WLS: variants seen among roughly 807,000 people sequenced by gnomAD.
WLS encodes Wnt ligand secretion mediator.
Under a neutral mutation model 62.8 loss-of-function variants are expected in WLS, and 23 were observed. The observed-to-expected ratio is 0.37, with a 90% CI of 0.26 to 0.52. The LOEUF (loss-of-function observed/expected upper bound fraction) is 0.52. Among genes scored for constraint, WLS ranks in the 20% least tolerant of loss-of-function variants. The pLI, the probability that WLS is intolerant of heterozygous loss-of-function variation, is 0.92. For missense variants in WLS, 615 were observed against 697.3 expected (o/e 0.88, Z 1.33); for synonymous variants, 246 against 244.1 (o/e 1.01, Z -0.07).
chr1:68,139,688 A>G (rs909677038), intron 10 of WLS, among the ~76,000 whole-genome samples: 27 of 152,228 alleles, frequency 1.8e-4, no homozygotes, highest in African/African-American at 6.3e-4. Flanking sequence ...GCTAGGATTG[A>G]CATGACTGAC....
Position 68,141,878 on chromosome 1 carries a change from T to C in WLS, c.1362+2691A>G, listed in dbSNP as rs190756356. ...GTCTTAGATGTCTATAAATAAATCT[T>C]AGAAAAAAAACCCAGCAGGAGGAAT... On this transcript the variant is annotated intron_variant, in intron 10 of 11. Coordinates refer to ENST00000262348, the MANE Select transcript of WLS (RefSeq NM_024911.7). 7 of 152,040 alleles carry C rather than the reference T, an allele frequency of 4.6e-5. No individual in the cohort carries two copies. In the East Asian group the frequency reaches 9.7e-4, roughly 21 times the overall value. The allele number at this position is 152,040 out of a possible 1,614,324, so 9.4% of individuals were successfully genotyped here. A position where few individuals can be genotyped will look rare whatever the true frequency, so the allele number is the denominator to read the frequency against.
chr1:68,145,791 C>T (rs1646744919), intron 9 of WLS, 78 bp downstream of exon 9: 2 of 1,561,008 alleles, frequency 1.3e-6, no homozygotes, highest in South Asian at 2.4e-5. Flanking sequence ...TTTCTATCTC[C>T]AGGGTGTGTG....
chr1:68,225,345 G>T (rs2820471), intron 1 of WLS, among the ~76,000 whole-genome samples: 7,336 of 152,092 alleles, frequency 0.048, 198 homozygotes, highest in African/African-American at 0.068. Flanking sequence ...TTTGAGAATT[G>T]GCATGTCTCA....
At chr1:68,145,091 G>A (rs1452152326) in intron 9 of WLS, among the ~76,000 whole-genome samples, 4 of 152,232 alleles carry the variant, frequency 2.6e-5, no homozygotes, top group Admixed American at 1.3e-4. Context: ...CAGCTCTGGA[G>A]ACAGGCAAGC....
chr1:68,132,401 A>G (rs981682609), intron 11 of WLS, among the ~76,000 whole-genome samples: 4 of 152,174 alleles, frequency 2.6e-5, no homozygotes, highest in Non-Finnish European at 2.9e-5. Flanking sequence ...AGATCATCTA[A>G]TGTACAATCA....
intron 11 of WLS, among the ~76,000 whole-genome samples, chr1:68,109,415 G>A (rs925122458): frequency 3.3e-5 from 5 of 152,194 alleles, no homozygotes; most frequent in Non-Finnish European, 7.3e-5. Flanking sequence ...TAAGCAAGAG[G>A]TAGAAGAGAT....
rs142984107 is a variant in WLS, at chr1:68,170,078, G to A, written c.380-10831C>T. 2.9e-3 allele frequency among the ~76,000 whole-genome samples: 436 copies of A among 152,066 alleles called. 8 individuals carry two copies. The highest frequency in any genetic ancestry group is 9.6e-3 in the African/African-American group (399 of 41,496). ...TAATGCCCTTCTCCTATCACTGTGA[G>A]GAGTAAATGAGATAATGGGTGCCAA... On this transcript the variant is annotated intron_variant, in intron 2 of 11. Coordinates refer to ENST00000262348, the MANE Select transcript of WLS (RefSeq NM_024911.7).
chr1:68,207,362 G>A (rs558456759), intron 1 of WLS, among the ~76,000 whole-genome samples: 1 of 152,130 alleles, frequency 6.6e-6, no homozygotes, highest in Non-Finnish European at 1.5e-5. Flanking sequence ...AAGCTCAAGA[G>A]AGCTAAGTCT....
intron 2 of WLS, among the ~76,000 whole-genome samples, chr1:68,173,891 T>G (rs1647191405): frequency 6.6e-6 from 1 of 152,120 alleles, no homozygotes. Context: ...AAATGAGTTT[T>G]TTCCCCCTTT....
At chr1:68,170,851 A>G (rs970573353) in intron 2 of WLS, among the ~76,000 whole-genome samples, 1 of 152,294 alleles carries the variant, frequency 6.6e-6, no homozygotes, top group Admixed American at 6.5e-5. Flanking sequence ...CCTAAAAGCC[A>G]GGGACTGACT....
At chr1:68,127,097 A>G in intron 11 of WLS, 1 of 404,904 alleles carries the variant, frequency 2.5e-6, no homozygotes, top group Admixed American at 2.8e-5. Context: ...CAGGAGGCTG[A>G]GGCAGGAGGA....
At position 68,125,585 on chromosome 1, in the gene WLS, T is replaced by C; in HGVS notation, c.*641A>G. On this transcript the variant is annotated 3_prime_UTR_variant, in exon 12 of 12. Coordinates refer to ENST00000262348, the MANE Select transcript of WLS (RefSeq NM_024911.7). ...TTTTTTAAAACCCACATCCAACAGA[T>C]TGGTTAGTATTAGATACACAGATTT... 6.1e-6 allele frequency: 6 copies of C among 985,442 alleles called. No homozygotes were observed. The highest frequency in any genetic ancestry group is 7.2e-6 in the Non-Finnish European group (6 of 829,920). 61.0% of individuals were successfully genotyped at this position (985,442 alleles called of 1,614,324 possible). A position where few individuals can be genotyped will look rare whatever the true frequency, so the allele number is the denominator to read the frequency against.
chr1:68,113,571 G>A (rs1023325120), intron 11 of WLS, among the ~76,000 whole-genome samples: 2 of 152,212 alleles, frequency 1.3e-5, no homozygotes, highest in African/African-American at 4.8e-5. Flanking sequence ...TGTTAGGGCT[G>A]TAAAAGGGAT....
chr1:68,226,908 A>G (rs1292428824), intron 1 of WLS, among the ~76,000 whole-genome samples: 1 of 152,240 alleles, frequency 6.6e-6, no homozygotes, highest in African/African-American at 2.4e-5. Flanking sequence ...TAAACATTTT[A>G]AGGTCAAATC....
intron 1 of WLS, among the ~76,000 whole-genome samples, chr1:68,204,142 G>T (rs141327940): frequency 6.6e-6 from 1 of 152,292 alleles, no homozygotes; most frequent in African/African-American, 2.4e-5. Flanking sequence ...AGTAAGACCT[G>T]TTAATGTCTT....
chr1:68,176,875 T>C (rs1471019578), intron 2 of WLS, among the ~76,000 whole-genome samples: 5 of 152,218 alleles, frequency 3.3e-5, no homozygotes, highest in African/African-American at 4.8e-5. Context: ...ACATCTAGCA[T>C]TGAGCCTGCA....
At chr1:68,208,864 G>T (rs998541259) in intron 1 of WLS, among the ~76,000 whole-genome samples, 1 of 152,194 alleles carries the variant, frequency 6.6e-6, no homozygotes, top group African/African-American at 2.4e-5. Flanking sequence ...TAAGGTTAGA[G>T]ATATGCCTGC....
At chr1:68,191,963 C>G (rs17483848) in intron 2 of WLS, among the ~76,000 whole-genome samples, 2,527 of 152,282 alleles carry the variant, frequency 0.017, 42 homozygotes, top group Non-Finnish European at 0.024. Context: ...TGCTGTGAAG[C>G]CTTTTCTTTA....
intron 1 of WLS, among the ~76,000 whole-genome samples, chr1:68,213,108 CTG>C (rs534941330): frequency 5.3e-5 from 8 of 152,160 alleles, no homozygotes; most frequent in Non-Finnish European, 7.3e-5. Context: ...AGACATGCCT[CTG>C]TTTTTATTTG....
Sources: gnomAD v4.1 joint callset for allele counts (sites outside exome capture counted in the v4.1 genomes callset) on GRCh38, gnomAD v4.1.1 for gene constraint, MANE v1.5 for transcripts, NCBI Gene and HGNC (gene_info 2026-07-23, HGNC 2026-07-21) for gene names.